MCTP2: variants seen among roughly 807,000 people sequenced by gnomAD.
MCTP2 encodes the protein multiple C2 and transmembrane domain containing 2, also known as multiple C2 and transmembrane domain-containing protein 2.
Under a neutral mutation model 111.6 loss-of-function variants are expected in MCTP2, and 132 were observed. That is an observed-to-expected ratio of 1.18 (90% CI 1.03 to 1.37). The LOEUF (loss-of-function observed/expected upper bound fraction) is 1.37. Ranked by LOEUF, MCTP2 falls within the 40% of genes most tolerant of loss-of-function variation. MCTP2 has a pLI of 0.00. For synonymous variants in MCTP2, 395 were observed against 387.7 expected, an observed-to-expected ratio of 1.02 and a Z score of -0.22; for missense variants, 1,183 against 1,067.9, an observed-to-expected ratio of 1.11 and a Z score of -1.50.
intron 17 of MCTP2, among the ~76,000 whole-genome samples, chr15:94,433,946 C>T (rs186521745): frequency 2.6e-5 from 4 of 152,144 alleles, no homozygotes; most frequent in African/African-American, 7.2e-5. Flanking sequence ...TATATTGAGT[C>T]GTCTTATTAA....
chr15:94,245,714 GTGTA>G (rs1028457022), intron 1 of MCTP2, among the ~76,000 whole-genome samples: 6 of 142,796 alleles, frequency 4.2e-5, no homozygotes, highest in African/African-American at 1.3e-4. Context: ...GTGTGTGTGT[GTGTA>G]TATATATATA....
intron 1 of MCTP2, among the ~76,000 whole-genome samples, chr15:94,253,842 A>G (rs1161254477): frequency 6.6e-6 from 1 of 151,910 alleles, no homozygotes; most frequent in Non-Finnish European, 1.5e-5. Context: ...AGACTGAAAC[A>G]GTTTTCTCAT....
At chr15:94,400,106 C>A in intron 16 of MCTP2, 111 bp downstream of exon 16, 2 of 834,464 alleles carry the variant, frequency 2.4e-6, no homozygotes, top group Non-Finnish European at 2.0e-6. Flanking sequence ...CCTCTTACTC[C>A]TCCTCTCTCC....
intron 1 of MCTP2, among the ~76,000 whole-genome samples, chr15:94,270,574 C>T (rs1349964335): frequency 6.6e-5 from 10 of 152,096 alleles, no homozygotes; most frequent in Non-Finnish European, 1.2e-4. Context: ...GGCTCTCTTC[C>T]AACCACACTG....
intron 21 of MCTP2, among the ~76,000 whole-genome samples, chr15:94,471,915 C>T (rs2073963474): frequency 6.6e-6 from 1 of 152,188 alleles, no homozygotes; most frequent in Non-Finnish European, 1.5e-5. Flanking sequence ...TTGTCTGACT[C>T]TAACCAGAAT....
intron 1 of MCTP2, among the ~76,000 whole-genome samples, chr15:94,288,803 A>G (rs2074891317): frequency 6.6e-6 from 1 of 152,226 alleles, no homozygotes; most frequent in South Asian, 2.1e-4. Flanking sequence ...AAGCGAGGAA[A>G]GATGTGAAGT....
intron 1 of MCTP2, among the ~76,000 whole-genome samples, chr15:94,292,568 G>A (rs1184734605): frequency 6.6e-6 from 1 of 152,104 alleles, no homozygotes; most frequent in African/African-American, 2.4e-5. Flanking sequence ...ACATGTACTG[G>A]GTATGTGAGC....
At chr15:94,390,732 T>C (rs1194092979) in intron 14 of MCTP2, among the ~76,000 whole-genome samples, 8 of 144,504 alleles carry the variant, frequency 5.5e-5, no homozygotes, top group African/African-American at 7.8e-5. Flanking sequence ...TTTCTTTTTT[T>C]TTTTTTTTTT....
At chr15:94,242,771 G>A (rs771329070) in intron 1 of MCTP2, among the ~76,000 whole-genome samples, 15 of 151,198 alleles carry the variant, frequency 9.9e-5, no homozygotes, top group African/African-American at 2.2e-4. Flanking sequence ...GTCAGAAAGC[G>A]AGTATTGCAC....
intron 1 of MCTP2, among the ~76,000 whole-genome samples, chr15:94,268,239 T>C (rs1261809363): frequency 6.7e-6 from 1 of 148,572 alleles, no homozygotes; most frequent in Non-Finnish European, 1.5e-5. Flanking sequence ...TGGAGTGCAT[T>C]GGCACAATCT....
intron 17 of MCTP2, among the ~76,000 whole-genome samples, chr15:94,411,285 T>C (rs80066595): frequency 8.0e-6 from 1 of 124,700 alleles, no homozygotes; most frequent in Non-Finnish European, 1.7e-5. Flanking sequence ...TTGATATTGC[T>C]TTTTTTTTTT....
chr15:94,355,918 T>A, intron 8 of MCTP2: 3 of 1,144,918 alleles, frequency 2.6e-6, no homozygotes, highest in Non-Finnish European at 3.2e-6. Flanking sequence ...GTGTTGCATA[T>A]ACTCATCCTT....
chr15:94,475,236 G>A (rs1448528496), intron 21 of MCTP2, among the ~76,000 whole-genome samples: 3 of 152,126 alleles, frequency 2.0e-5, no homozygotes, highest in African/African-American at 4.8e-5. Context: ...TGCTGTGGGG[G>A]TAGAGGGAAA....
intron 1 of MCTP2, among the ~76,000 whole-genome samples, chr15:94,266,061 C>A (rs565711979): frequency 8.2e-6 from 1 of 122,262 alleles, no homozygotes; most frequent in Non-Finnish European, 1.7e-5. Flanking sequence ...TGTACACATA[C>A]ACGTGCATGC....
chr15:94,458,517 A>G (rs2084981127), intron 20 of MCTP2, among the ~76,000 whole-genome samples: 1 of 152,218 alleles, frequency 6.6e-6, no homozygotes, highest in Admixed American at 6.5e-5. Context: ...AAAATATATC[A>G]GTTTGGGTGA....
At chr15:94,258,519 C>T (rs1255140720) in intron 1 of MCTP2, among the ~76,000 whole-genome samples, 1 of 152,152 alleles carries the variant, frequency 6.6e-6, no homozygotes, top group Non-Finnish European at 1.5e-5. Flanking sequence ...GTAAGAGTGA[C>T]TTGAGACAGA....
intron 22 of MCTP2, 88 bp from the exon 23 acceptor site, chr15:94,478,878 C>T: frequency 9.1e-7 from 1 of 1,103,308 alleles, no homozygotes; most frequent in South Asian, 1.3e-5. Context: ...CTTCCTTTGC[C>T]TTCGGTTGTC....
chr15:94,419,505 A>G (rs1314744541), intron 17 of MCTP2, among the ~76,000 whole-genome samples: 5 of 152,084 alleles, frequency 3.3e-5, no homozygotes, highest in Admixed American at 1.3e-4. Context: ...CTGGAGCTTC[A>G]TGAAGCTGAG....
At chr15:94,432,392 T>G (rs2083240341) in intron 17 of MCTP2, among the ~76,000 whole-genome samples, 1 of 152,206 alleles carries the variant, frequency 6.6e-6, no homozygotes, top group East Asian at 1.9e-4. Context: ...ATATATTTAA[T>G]GTACTTATGT....
Sources: gnomAD v4.1 joint callset for allele counts (sites outside exome capture counted in the v4.1 genomes callset) on GRCh38, gnomAD v4.1.1 for gene constraint, MANE v1.5 for transcripts, NCBI Gene and HGNC (gene_info 2026-07-23, HGNC 2026-07-21) for gene names.